Variants in TRIP12 observed in about 807,000 individuals in gnomAD.
TRIP12 encodes the protein E3 ubiquitin-protein ligase TRIP12.
In TRIP12, 25 loss-of-function variants were observed where a neutral mutation model predicts 244.2. That is an observed-to-expected ratio of 0.10 (90% CI 0.07 to 0.14). The LOEUF (loss-of-function observed/expected upper bound fraction) is 0.14. Among genes scored for constraint, TRIP12 ranks in the 10% least tolerant of loss-of-function variants. The probability of loss-of-function intolerance (pLI) is 1.00; values close to 1 mark genes in which losing one functional copy is unlikely to be tolerated. For missense variants in TRIP12, 1,677 were observed against 2,486.4 expected (o/e 0.67, Z 6.92); for synonymous variants, 905 against 873.1 (o/e 1.04, Z -0.64).
At chr2:229,867,133 T>G (rs1434720377) in intron 2 of TRIP12, among the ~76,000 whole-genome samples, 1 of 148,386 alleles carries the variant, frequency 6.7e-6, no homozygotes, top group Non-Finnish European at 1.5e-5. Flanking sequence ...GTGTAGGCTA[T>G]GGTCAGACAG....
At chr2:229,837,856 T>C (rs1354993375) in intron 5 of TRIP12, among the ~76,000 whole-genome samples, 1 of 152,180 alleles carries the variant, frequency 6.6e-6, no homozygotes, top group Non-Finnish European at 1.5e-5. Context: ...GAATAAATTA[T>C]GGAAAAAGAA....
intron 1 of TRIP12, among the ~76,000 whole-genome samples, chr2:229,908,230 G>A (rs942401694): frequency 1.3e-5 from 2 of 152,096 alleles, no homozygotes; most frequent in South Asian, 2.1e-4. Flanking sequence ...TTCCACACCA[G>A]TGGACTGACC....
chr2:229,818,074 A>G (rs895615881), intron 9 of TRIP12, among the ~76,000 whole-genome samples: 2 of 152,190 alleles, frequency 1.3e-5, no homozygotes, highest in Non-Finnish European at 2.9e-5. Context: ...TGTGCATTTT[A>G]CATGGCAGGA....
chr2:229,880,358 A>G (rs374169037), intron 1 of TRIP12, among the ~76,000 whole-genome samples: 1 of 152,246 alleles, frequency 6.6e-6, no homozygotes, highest in Admixed American at 6.5e-5. Context: ...GACTCAGTAT[A>G]TAAAATTAAC....
intron 1 of TRIP12, among the ~76,000 whole-genome samples, chr2:229,903,743 G>C (rs1191039583): frequency 1.3e-5 from 2 of 151,048 alleles, no homozygotes; most frequent in African/African-American, 4.9e-5. Context: ...GGCCAGGCGC[G>C]GTGGCTCATT....
chr2:229,913,457 T>C lies in TRIP12; in HGVS notation c.-50+8423A>G, dbSNP rs574958099. ...CACAATTGTGGCACACAGTAAGCACTTGATAAATATGTATTGATAAATAAA... is the reference window on the plus strand; with the variant it reads ...CACAATTGTGGCACACAGTAAGCACCTGATAAATATGTATTGATAAATAAA... On this transcript the variant is annotated intron_variant, in intron 1 of 41. Coordinates refer to ENST00000675903, the MANE Select transcript of TRIP12 (RefSeq NM_001348323.3). Among the ~76,000 whole-genome samples, 6 of 152,346 alleles carry C rather than the reference T, an allele frequency of 3.9e-5. No homozygotes were observed. In the East Asian group the frequency reaches 5.8e-4, roughly 15 times the overall value.
chr2:229,862,348 TA>T (rs1262948000), intron 2 of TRIP12, among the ~76,000 whole-genome samples: 3 of 152,194 alleles, frequency 2.0e-5, no homozygotes, highest in South Asian at 2.1e-4. Flanking sequence ...GAAATGAGAC[TA>T]TTTTTCAAAT....
intron 4 of TRIP12, 129 bp downstream of exon 4, chr2:229,858,643 C>A (rs1576176767): frequency 2.5e-6 from 2 of 790,038 alleles, no homozygotes; most frequent in Admixed American, 5.9e-5. Context: ...CTTAATTACA[C>A]AGACAGTAAT....
At chr2:229,792,368 G>A (rs1424729787) in intron 27 of TRIP12, 142 bp from the exon 28 acceptor site, 4 of 830,688 alleles carry the variant, frequency 4.8e-6, no homozygotes, top group Non-Finnish European at 7.6e-6. Flanking sequence ...GAGCCCAGAA[G>A]TGTTTTAGAT....
At chr2:229,802,779 A>G (rs1423308344) in intron 20 of TRIP12, among the ~76,000 whole-genome samples, 1 of 152,186 alleles carries the variant, frequency 6.6e-6, no homozygotes, top group Non-Finnish European at 1.5e-5. Flanking sequence ...ATAATCAACT[A>G]CAGAAATACA....
At chr2:229,913,282 A>G (rs2074684855) in intron 1 of TRIP12, among the ~76,000 whole-genome samples, 1 of 152,250 alleles carries the variant, frequency 6.6e-6, no homozygotes, top group African/African-American at 2.4e-5. Context: ...AGAATTTTAC[A>G]GAATATTTCT....
rs758139784 is a variant in TRIP12 at position 229,791,228 on chromosome 2, T to C, written c.4439A>G (p.Glu1480Gly). 1.2e-6 allele frequency: 2 copies of C among 1,614,110 alleles called. No individual in the cohort carries two copies. Among genetic ancestry groups the C allele is most frequent in the South Asian group, 1.1e-5 (1 of 91,084 alleles). ...TIWYKPVRED[E>G]ESNKDCVGGK... ...ACCAACACAATCTTTATTACTTTCTTCATCCTCTCTCACAGGTTTATACCT... is the reference window on the plus strand; with the variant it reads ...ACCAACACAATCTTTATTACTTTCTCCATCCTCTCTCACAGGTTTATACCT... Residue 1480 changes from glutamate to glycine, a missense_variant, in exon 30 of 42, where the codon GAA (glutamate) becomes GGA (glycine). This residue lies in a region of TRIP12 where 265 missense variants were observed against 370.8 expected (regional missense o/e 0.71). Coordinates refer to ENST00000675903, the MANE Select transcript of TRIP12 (RefSeq NM_001348323.3).
chr2:229,787,434 T>A, intron 33 of TRIP12, 71 bp downstream of exon 33: 1 of 1,507,876 alleles, frequency 6.6e-7, no homozygotes, highest in East Asian at 2.3e-5. Flanking sequence ...TATTTAGATA[T>A]ACTACATTTC....
chr2:229,808,695 T>C (rs1027657645), intron 15 of TRIP12, among the ~76,000 whole-genome samples: 5 of 152,238 alleles, frequency 3.3e-5, no homozygotes, highest in Admixed American at 1.3e-4. Flanking sequence ...CAAAAATGCA[T>C]TCAACATACC....
chr2:229,911,527 C>G (rs928574400), intron 1 of TRIP12, among the ~76,000 whole-genome samples: 2 of 152,116 alleles, frequency 1.3e-5, no homozygotes, highest in African/African-American at 2.4e-5. Context: ...CTGTTCTATT[C>G]CACTGCAGGG....
rs1302287217 is a variant in TRIP12, at chr2:229,769,444, TG to T, written c.5809-120del. 7 of 570,998 alleles carry T rather than the reference TG, an allele frequency of 1.2e-5. No individual in the cohort carries two copies. The Admixed American group carries it at 2.0e-4, about 16-fold the overall frequency. 35.4% of individuals were successfully genotyped at this position (570,998 alleles called of 1,614,324 possible). On this transcript the variant is annotated intron_variant, in intron 39 of 41. Coordinates refer to ENST00000675903, the MANE Select transcript of TRIP12 (RefSeq NM_001348323.3). Reference sequence around the variant, plus strand: ...AGTCTCAGTACTAAAACCTTCTGCTTGGGACCTCTTTCCAAAAAAAAAAAAA... The same window carrying T: ...AGTCTCAGTACTAAAACCTTCTGCTTGGACCTCTTTCCAAAAAAAAAAAAA...
intron 8 of TRIP12, among the ~76,000 whole-genome samples, chr2:229,822,169 T>C (rs1206607591): frequency 6.6e-6 from 1 of 151,784 alleles, no homozygotes; most frequent in Non-Finnish European, 1.5e-5. Flanking sequence ...AACAAAAAAC[T>C]GATAGAGGGG....
In TRIP12 at chr2:229,774,190, C is replaced by G. The variant is rs766179239; in HGVS notation, c.5601G>C (p.Leu1867=). The change falls in exon 38 of 42, where the codon CTG becomes CTC. Residue 1867 remains leucine, a synonymous_variant. Transcript: ENST00000675903. The part of the protein sequence containing the change: ...MNGCSVEDLG[L]DFTLPGFPNI... ...TGGGAAACCCTGGCAGAGTGAAATCCAGTCCTAGATCTTCAACTGAGCAGC... is the reference window on the plus strand; with the variant it reads ...TGGGAAACCCTGGCAGAGTGAAATCGAGTCCTAGATCTTCAACTGAGCAGC... 8.1e-6 allele frequency: 13 copies of G among 1,614,154 alleles called. No homozygotes were observed. In the Admixed American group the frequency reaches 2.2e-4, roughly 27 times the overall value.
At chr2:229,781,803 T>TATGC (rs1014318055) in intron 34 of TRIP12, among the ~76,000 whole-genome samples, 1 of 152,174 alleles carries the variant, frequency 6.6e-6, no homozygotes, top group African/African-American at 2.4e-5. Context: ...CCTGAAGCCC[T>TATGC]ATGCATCTCA....
Sources: gnomAD v4.1 joint callset for allele counts (sites outside exome capture counted in the v4.1 genomes callset) on GRCh38, gnomAD v4.1.1 for gene constraint, gnomAD v4.1.1 regional missense constraint, MANE v1.5 for transcripts, NCBI Gene and HGNC (gene_info 2026-07-23, HGNC 2026-07-21) for gene names.